The following CSF2RB variants were observed in gnomAD, a reference collection of about 807,000 sequenced individuals.
CSF2RB encodes the protein colony stimulating factor 2 receptor subunit beta, also known as cytokine receptor common subunit beta.
In CSF2RB, 22 loss-of-function variants were observed where a neutral mutation model predicts 67.2. The observed-to-expected ratio is 0.33, with a 90% confidence interval of 0.23 to 0.47. The LOEUF (loss-of-function observed/expected upper bound fraction) is 0.47, where lower values mean the gene tolerates loss of function less well. Among genes scored for constraint, CSF2RB ranks in the 20% least tolerant of loss-of-function variants. CSF2RB has a pLI of 1.00. For missense variants in CSF2RB, 1,113 were observed against 1,174.5 expected, an observed-to-expected ratio of 0.95 and a Z score of 0.76; for synonymous variants, 507 against 482.9, an observed-to-expected ratio of 1.05 and a Z score of -0.65.
intron 4 of CSF2RB, 114 bp downstream of exon 4, chr22:36,926,291 G>T: frequency 9.8e-7 from 1 of 1,024,914 alleles, no homozygotes; most frequent in African/African-American, 1.6e-5. Flanking sequence ...GTTGGGTGAG[G>T]GTTTCTTGAG....
intron 11 of CSF2RB, 83 bp from the exon 12 acceptor site, chr22:36,935,547 C>G: frequency 6.2e-7 from 1 of 1,607,900 alleles, no homozygotes. Flanking sequence ...CCTTCCTGGG[C>G]CTCAGTTTCC....
At chr22:36,925,726 G>A (rs980278569) in intron 3 of CSF2RB, among the ~76,000 whole-genome samples, 1 of 151,984 alleles carries the variant, frequency 6.6e-6, no homozygotes, top group African/African-American at 2.4e-5. Flanking sequence ...TGCCTCCCTG[G>A]CCCAGCCCTT....
At chr22:36,932,926 G>T (rs4339047) in intron 9 of CSF2RB, 22 bp downstream of exon 9, 72 of 1,612,958 alleles carry the variant, frequency 4.5e-5, no homozygotes, top group African/African-American at 4.0e-5. Context: ...TGCCCAGGGA[G>T]GGGAGAAACA....
At chr22:36,934,157 G>T (rs2145817218) in intron 10 of CSF2RB, among the ~76,000 whole-genome samples, 163 bp downstream of exon 10, 1 of 152,330 alleles carries the variant, frequency 6.6e-6, no homozygotes, top group Middle Eastern at 3.4e-3. Flanking sequence ...GGCCTTTGCA[G>T]AGAGCACCTC....
At chr22:36,929,899 G>C in intron 6 of CSF2RB, 92 bp downstream of exon 6, 1 of 1,503,510 alleles carries the variant, frequency 6.7e-7, no homozygotes, top group South Asian at 1.2e-5. Flanking sequence ...GCTCCACCTG[G>C]GGGCTTCCCA....
At chr22:36,929,918 G>A (rs1187357278) in intron 6 of CSF2RB, 111 bp downstream of exon 6, 8 of 1,416,786 alleles carry the variant, frequency 5.6e-6, no homozygotes, top group Non-Finnish European at 6.7e-6. Context: ...CAGATCTCCT[G>A]CTGCCATCTT....
chr22:36,918,725 C>T (rs1480193231), intron 1 of CSF2RB, among the ~76,000 whole-genome samples: 1 of 152,212 alleles, frequency 6.6e-6, no homozygotes, highest in Non-Finnish European at 1.5e-5. Flanking sequence ...CCCTAAGCAA[C>T]AGAGGCTTAA....
rs373250012 is a variant in CSF2RB at position 36,922,740 on chromosome 22, C to A, written c.76+457C>A. On this transcript the variant is annotated intron_variant, in intron 2 of 13. Transcript: ENST00000403662. Reference sequence around the variant, plus strand: ...CTCCTGGGCTCTTGAGGTGAAATGGCCCCTCCCAAGGGCTCCCAGAGACCT... The same window carrying A: ...CTCCTGGGCTCTTGAGGTGAAATGGACCCTCCCAAGGGCTCCCAGAGACCT... The A allele has an allele frequency of 1.1e-4, 32 of 282,346 alleles. No individual in the cohort carries two copies. In the East Asian group the frequency reaches 1.8e-3, roughly 16 times the overall value. The allele number at this position is 282,346 out of a possible 1,614,324, so 17.5% of individuals were successfully genotyped here.
In CSF2RB at chr22:36,939,298, C is replaced by T. The variant is rs1300810445; in HGVS notation, c.*796C>T. Reference sequence around the variant, plus strand: ...GGGCAGGCTGGCGGGACCTGGGGAACATCAGGAGAGGAGTCCAGAGCCCAC... The same window carrying T: ...GGGCAGGCTGGCGGGACCTGGGGAATATCAGGAGAGGAGTCCAGAGCCCAC... On this transcript the variant is annotated 3_prime_UTR_variant, in exon 14 of 14. Transcript: ENST00000403662. 8 of 701,560 alleles carry T rather than the reference C, an allele frequency of 1.1e-5. No individual in the cohort carries two copies. Among genetic ancestry groups the T allele is most frequent in the Admixed American group, 8.0e-5 (4 of 49,984 alleles). The allele number at this position is 701,560 out of a possible 1,614,324, so 43.5% of individuals were successfully genotyped here.
chr22:36,925,922 G>C lies in CSF2RB; in HGVS notation c.201-65G>C. 22 of 1,565,096 alleles carry C rather than the reference G, an allele frequency of 1.4e-5. No individual in the cohort carries two copies. The South Asian group carries it at 2.5e-4, about 18-fold the overall frequency. ...AGAGCCAGGCATGTGGTGAGCACTC[G>C]AGGAACCTTTCGTGAGTCAGTGATA... On this transcript the variant is annotated intron_variant, in intron 3 of 13. Coordinates refer to ENST00000403662, the MANE Select transcript of CSF2RB (RefSeq NM_000395.3).
intron 2 of CSF2RB, 85 bp from the exon 3 acceptor site, chr22:36,923,159 C>T (rs958423976): frequency 8.9e-5 from 143 of 1,601,650 alleles, no homozygotes; most frequent in Non-Finnish European, 1.1e-4. Context: ...CTCCCCAGAG[C>T]GGGACATCCC....
chr22:36,928,523 C>T (rs1000901690), intron 4 of CSF2RB, among the ~76,000 whole-genome samples: 1 of 152,162 alleles, frequency 6.6e-6, no homozygotes, highest in African/African-American at 2.4e-5. Context: ...AGAGCACTTA[C>T]ATCCTATGTG....
At position 36,929,804 on chromosome 22, in the gene CSF2RB, C is replaced by A. The variant is rs763386045; in HGVS notation, c.715C>A (p.Pro239Thr). ...WSPEVCWDSQ[P>T]GDEAQPQNLE... ...CCCAGAGGTTTGCTGGGACTCCCAG[C>A]CAGGTAATGTTGCCAGAGCCCAGGA... The change falls in exon 6 of 14, where the codon CCA becomes ACA. Residue 239 changes from proline (P) to threonine (T), a missense_variant. Around this residue, in one of 2 missense-constraint regions of CSF2RB, gnomAD observed 559 missense variants for 656.5 expected, o/e 0.85. Coordinates refer to ENST00000403662, the MANE Select transcript of CSF2RB (RefSeq NM_000395.3). 10 of 1,613,508 alleles carry A rather than the reference C, an allele frequency of 6.2e-6. No individual in the cohort carries two copies. The highest frequency in any genetic ancestry group is 8.5e-6 in the Non-Finnish European group (10 of 1,179,806).
At position 36,932,816 on chromosome 22, in the gene CSF2RB, G is replaced by A. The variant is rs1276481069; in HGVS notation, c.1064G>A (p.Ser355Asn). ...LNVTKDGDSYSLRWETMKMRY... is the reference protein window; with the variant it reads ...LNVTKDGDSYNLRWETMKMRY... ...GTGACCAAGGATGGAGACAGCTACA[G>A]CCTGCGCTGGGAAACAATGAAAATG... The change falls in exon 9 of 14, where the codon AGC (serine) becomes AAC (asparagine). Residue 355 changes from serine to asparagine, a missense_variant. By Grantham distance (46) the Ser-to-Asn change is conservative. This residue lies in a region of CSF2RB where 559 missense variants were observed against 656.5 expected (regional missense o/e 0.85). Transcript: ENST00000403662. 6.2e-7 allele frequency: 1 copy of A among 1,613,998 alleles called. No homozygotes were observed. The highest frequency in any genetic ancestry group is 8.5e-7 in the Non-Finnish European group (1 of 1,180,030).
intron 1 of CSF2RB, among the ~76,000 whole-genome samples, chr22:36,916,564 TC>T: frequency 6.6e-6 from 1 of 152,278 alleles, no homozygotes; most frequent in Middle Eastern, 3.4e-3. Context: ...TAATTTAGAA[TC>T]AGTTTGCCAA....
chr22:36,922,363 A>C, intron 2 of CSF2RB, 80 bp downstream of exon 2: 7 of 1,372,530 alleles, frequency 5.1e-6, no homozygotes, highest in African/African-American at 1.4e-5. Context: ...GCGTATCCTC[A>C]GGATCCTGCC....
chr22:36,919,290 A>G (rs1300705337), intron 1 of CSF2RB, among the ~76,000 whole-genome samples: 1 of 152,170 alleles, frequency 6.6e-6, no homozygotes, highest in Non-Finnish European at 1.5e-5. Flanking sequence ...TTTCTTTCCC[A>G]AACCTAAAGT....
chr22:36,936,600 G>A lies in CSF2RB; in HGVS notation c.1516G>A (p.Gly506Arg), dbSNP rs138597994. ...PPGSMSAFTS[G>R]SPPHQGPWGS... ...AGGCAGCATGTCGGCCTTCACTAGCGGGAGTCCCCCACACCAGGGGCCGTG... is the reference window on the plus strand; with the variant it reads ...AGGCAGCATGTCGGCCTTCACTAGCAGGAGTCCCCCACACCAGGGGCCGTG... The change falls in exon 13 of 14, where the codon GGG becomes AGG. Residue 506 changes from glycine (G) to arginine (R), a missense_variant. Physicochemically the swap from Gly to Arg is moderately radical, Grantham distance 125 (BLOSUM62 -2). Coordinates refer to ENST00000403662, the MANE Select transcript of CSF2RB (RefSeq NM_000395.3). 112 of 1,613,656 alleles carry A rather than the reference G, an allele frequency of 6.9e-5. 1 individual carries two copies. In the African/African-American group the frequency reaches 1.1e-3, roughly 16 times the overall value.
At chr22:36,926,939 TG>T (rs5845307) in intron 4 of CSF2RB, among the ~76,000 whole-genome samples, 108,804 of 151,962 alleles carry the variant, frequency 0.72, 39,254 homozygotes, top group East Asian at 0.94. Context: ...AGGCTGTCAT[TG>T]GGAGTCTCAG....
Sources: allele counts gnomAD v4.1 joint callset (sites outside exome capture counted in the v4.1 genomes callset), GRCh38; gene constraint gnomAD v4.1.1; regional missense constraint gnomAD v4.1.1; transcripts MANE v1.5; gene names NCBI Gene and HGNC (gene_info 2026-07-23, HGNC 2026-07-21).